The following DGKA variants were observed in gnomAD, a reference collection of about 807,000 sequenced individuals.
DGKA encodes the protein diacylglycerol kinase alpha.
In DGKA, 35 loss-of-function variants were observed where a neutral mutation model predicts 105.0. That is an observed-to-expected ratio of 0.33 (90% CI 0.25 to 0.44). The LOEUF is 0.44. DGKA is among the 20% of genes least tolerant of loss of function. DGKA has a pLI of 1.00. For missense variants in DGKA, 665 were observed against 915.0 expected, an observed-to-expected ratio of 0.73 and a Z score of 3.53; for synonymous variants, 296 against 332.0, an observed-to-expected ratio of 0.89 and a Z score of 1.18.
chr12:55,953,710 T>G lies in DGKA; in HGVS notation c.2150T>G (p.Met717Arg). ...CTIKITHKNQ[M>R]PMLMGPPPRS... ...ATCAAGATCACCCACAAGAACCAGATGCCCATGCTCATGGGCCCACCCCCC... is the reference window on the plus strand; with the variant it reads ...ATCAAGATCACCCACAAGAACCAGAGGCCCATGCTCATGGGCCCACCCCCC... Residue 717 changes from methionine to arginine, a missense_variant, in exon 24 of 24, where the codon ATG (methionine) becomes AGG (arginine). Transcript: ENST00000331886. 6.2e-7 allele frequency: 1 copy of G among 1,614,134 alleles called. No individual in the cohort carries two copies. The highest frequency in any genetic ancestry group is 8.5e-7 in the Non-Finnish European group (1 of 1,180,012).
In DGKA at chr12:55,953,676, C is replaced by T. The variant is rs1888620201; in HGVS notation, c.2125-9C>T. On this transcript the variant is annotated splice_polypyrimidine_tract_variant and intron_variant, in intron 23 of 23. Coordinates refer to ENST00000331886, the MANE Select transcript of DGKA (RefSeq NM_001345.5). ...GTCCTGCCTCTGAATGTGCTCCCTT[C>T]CCTTCCAGATCAAGATCACCCACAA... 1 of 1,613,714 alleles carries T rather than the reference C, an allele frequency of 6.2e-7. No individual in the cohort carries two copies. The highest frequency in any genetic ancestry group is 1.3e-5 in the African/African-American group (1 of 75,034).
At chr12:55,937,607 G>T in intron 4 of DGKA, 64 bp downstream of exon 4, 1 of 1,577,452 alleles carries the variant, frequency 6.3e-7, no homozygotes. Flanking sequence ...GTATGGATTT[G>T]GGGTTGAGAA....
Position 55,939,217 on chromosome 12 carries a change from A to G in DGKA, c.506A>G (p.Tyr169Cys). 1.2e-6 allele frequency: 2 copies of G among 1,614,190 alleles called. No individual in the cohort carries two copies. The highest frequency in any genetic ancestry group is 1.7e-6 in the Non-Finnish European group (2 of 1,180,040). ...ILQEMMKEID[Y>C]DGSGSVSQAE... ...CAGGAGATGATGAAAGAGATTGACT[A>G]TGATGGCAGTGGCTCTGTCTCTCAA... is the stretch of plus-strand genomic sequence containing the variant. Residue 169 changes from tyrosine (Y) to cysteine (C), a missense_variant, in exon 8 of 24, where the codon TAT becomes TGT. Tyr to Cys is a radical substitution (Grantham distance 194). Around this residue, in one of 3 missense-constraint regions of DGKA, gnomAD observed 504 missense variants for 681.2 expected, o/e 0.74. Coordinates refer to ENST00000331886, the MANE Select transcript of DGKA (RefSeq NM_001345.5).
chr12:55,942,571 G>A (rs1235443385), intron 17 of DGKA: 5 of 361,698 alleles, frequency 1.4e-5, no homozygotes, highest in African/African-American at 1.0e-4. Flanking sequence ...GTGTGAATAA[G>A]GAAGGTTGTA....
chr12:55,939,918 A>G (rs1885541288), intron 9 of DGKA, 164 bp from the exon 10 acceptor site: 1 of 642,868 alleles, frequency 1.6e-6, no homozygotes, highest in African/African-American at 1.8e-5. Context: ...GAGGAAGAGT[A>G]AGGAAAAGGC....
upstream of DGKA, chr12:55,927,642 C>T: frequency 1.3e-6 from 2 of 1,505,140 alleles, no homozygotes; most frequent in Non-Finnish European, 1.8e-6. Context: ...AATTCGTGTG[C>T]CGATTGCTGT....
rs1282256983 is a variant in DGKA at position 55,932,011 on chromosome 12, A to G, written c.-82+667A>G. 6.6e-6 allele frequency: 1 copy of G among 152,594 alleles called. No homozygotes were observed. The highest frequency in any genetic ancestry group is 1.9e-4 in the East Asian group (1 of 5,172). The allele number at this position is 152,594 out of a possible 1,614,324, so 9.5% of individuals were successfully genotyped here. Reference sequence around the variant, plus strand: ...GGGGGCGGGCAGCTATGTCGTCAGGAACGGGGCGGCCCCGCTGCGGCCGCG... The same window carrying G: ...GGGGGCGGGCAGCTATGTCGTCAGGGACGGGGCGGCCCCGCTGCGGCCGCG... On this transcript the variant is annotated intron_variant, in intron 1 of 23. Transcript: ENST00000331886. This position sits in a 1 kb window ranked among gnomAD's most constrained non-coding sequence, Gnocchi z 4.3.
chr12:55,940,723 G>A lies in DGKA; in HGVS notation c.1017+1G>A. 6.2e-7 allele frequency: 1 copy of A among 1,612,818 alleles called. No individual in the cohort carries two copies. The stretch of plus-strand genomic sequence containing the variant: ...ATCTTCCATCTATCCCAGTGTCCTG[G>A]TGAGACCCTCGGCAGCAGCGGGGAG... On this transcript the variant is annotated splice_donor_variant, in intron 12 of 23. Transcript: ENST00000331886. LOFTEE classifies it high-confidence loss of function. The surrounding 1 kb of genome is among the most constrained non-coding windows in gnomAD (Gnocchi z 4.3).
intron 17 of DGKA, among the ~76,000 whole-genome samples, chr12:55,949,720 G>A (rs748357931): frequency 4.6e-5 from 7 of 152,142 alleles, no homozygotes; most frequent in African/African-American, 7.2e-5. Context: ...GAAATTGTTA[G>A]TAATACTGAG....
At chr12:55,948,137 C>G (rs1275946779) in intron 17 of DGKA, among the ~76,000 whole-genome samples, 1 of 151,524 alleles carries the variant, frequency 6.6e-6, no homozygotes, top group Non-Finnish European at 1.5e-5. Context: ...CATGGTGGCT[C>G]ATGCCTGTAA....
At chr12:55,939,831 C>T (rs1484338404) in intron 9 of DGKA, 5 of 588,714 alleles carry the variant, frequency 8.5e-6, no homozygotes, top group Non-Finnish European at 1.5e-5. Flanking sequence ...CTGGGCCTCC[C>T]AAGCATTATC....
chr12:55,933,914 T>C (rs998146005), intron 1 of DGKA, among the ~76,000 whole-genome samples: 2 of 152,242 alleles, frequency 1.3e-5, no homozygotes, highest in African/African-American at 2.4e-5. Flanking sequence ...TTCTGTGCCA[T>C]GCTGTTTGCT....
chr12:55,937,286 A>G, intron 3 of DGKA, 122 bp from the exon 4 acceptor site: 1 of 1,311,424 alleles, frequency 7.6e-7, no homozygotes, highest in Non-Finnish European at 1.1e-6. Flanking sequence ...CAAAGAAACC[A>G]TACTCCTGCC....
At chr12:55,951,554 A>T in intron 17 of DGKA, 69 bp from the exon 18 acceptor site, 1 of 1,518,384 alleles carries the variant, frequency 6.6e-7, no homozygotes, top group Non-Finnish European at 8.9e-7. Context: ...GAATTTGTGG[A>T]GCTGGGAGCT....
intron 17 of DGKA, among the ~76,000 whole-genome samples, chr12:55,944,900 G>A (rs1033455783): frequency 3.9e-5 from 6 of 152,036 alleles, no homozygotes; most frequent in African/African-American, 9.7e-5. Context: ...CGCAGGTTCC[G>A]GCGATTCTCC....
chr12:55,945,251 T>C (rs1247316235), intron 17 of DGKA, among the ~76,000 whole-genome samples: 1 of 152,166 alleles, frequency 6.6e-6, no homozygotes, highest in Admixed American at 6.5e-5. Context: ...AGGAGATACA[T>C]GTTTGAGAGT....
rs754616028 is a variant in DGKA at position 55,953,130 on chromosome 12, G to A, written c.2033G>A (p.Arg678Gln). 7 of 1,614,060 alleles carry A rather than the reference G, an allele frequency of 4.3e-6. No individual in the cohort carries two copies. Among genetic ancestry groups the A allele is most frequent in the South Asian group, 1.1e-5 (1 of 91,052 alleles). Residue 678 changes from arginine to glutamine, a missense_variant, in exon 22 of 24, where the codon CGG (arginine) becomes CAG (glutamine). Physicochemically the swap from Arg to Gln is conservative, Grantham distance 43 (BLOSUM62 1). This residue lies in a region of DGKA where 158 missense variants were observed against 213.4 expected (regional missense o/e 0.74). Coordinates refer to ENST00000331886, the MANE Select transcript of DGKA (RefSeq NM_001345.5). ...ACCAAGCTCAAGAATGCTGGACGTCGGCTGGCCAAGTGCTCTGAGATCACC... is the reference window on the plus strand; with the variant it reads ...ACCAAGCTCAAGAATGCTGGACGTCAGCTGGCCAAGTGCTCTGAGATCACC... ...IYTKLKNAGR[R>Q]LAKCSEITFH... is the part of the protein sequence containing the mutation.
chr12:55,946,162 TTTC>T (rs1045100330), intron 17 of DGKA, among the ~76,000 whole-genome samples: 6 of 149,806 alleles, frequency 4.0e-5, no homozygotes, highest in East Asian at 4.0e-4. Flanking sequence ...TCTTTTTTTC[TTTC>T]TTCTTCTTTT....
At chr12:55,948,211 C>T (rs1424078577) in intron 17 of DGKA, among the ~76,000 whole-genome samples, 4 of 149,622 alleles carry the variant, frequency 2.7e-5, no homozygotes, top group Non-Finnish European at 5.9e-5. Context: ...ACCAGCCTGG[C>T]CAAAATGGTG....
Sources: gnomAD v4.1 joint callset for allele counts (sites outside exome capture counted in the v4.1 genomes callset) on GRCh38, gnomAD v4.1.1 for gene constraint, gnomAD v4.1.1 regional missense constraint, Gnocchi (gnomAD v3.1) non-coding constraint, MANE v1.5 for transcripts, NCBI Gene and HGNC (gene_info 2026-07-23, HGNC 2026-07-21) for gene names.